The following FREM1 variants were observed in gnomAD, a reference collection of about 807,000 sequenced individuals.
FREM1 encodes the protein FRAS1 related extracellular matrix 1, also known as FRAS1-related extracellular matrix protein 1.
FREM1 carries 220 observed loss-of-function variants against 210.1 expected under a neutral mutation model. That is an observed-to-expected ratio of 1.05 (90% CI 0.94 to 1.17). FREM1 has a LOEUF of 1.17. Among genes scored for constraint, FREM1 ranks in the 50% most tolerant of loss-of-function variants. The probability of loss-of-function intolerance (pLI) is 0.00; values close to 1 mark genes in which losing one functional copy is unlikely to be tolerated. For missense variants in FREM1, 3,454 were observed against 2,675.5 expected (o/e 1.29, Z -6.42); for synonymous variants, 1,189 against 980.2 (o/e 1.21, Z -3.98).
intron 7 of FREM1, among the ~76,000 whole-genome samples, chr9:14,847,340 G>A (rs960602135): frequency 2.0e-5 from 3 of 150,944 alleles, no homozygotes; most frequent in African/African-American, 4.9e-5. Flanking sequence ...GATCTGCCTC[G>A]GGGTCTGTTT....
In FREM1 at chr9:14,788,704, AACG is replaced by A. The variant is rs529691990; in HGVS notation, c.4177+212_4177+214del. Among the ~76,000 whole-genome samples, 705 of 152,306 alleles carry A rather than the reference AACG, an allele frequency of 4.6e-3. 7 individuals carry two copies. The highest frequency in any genetic ancestry group is 0.016 in the African/African-American group (683 of 41,564). ...GAATTTCCAATAAACTTTTTAAAATAACGAATGGATTGGCTACTTCTGTGAACC... is the reference window on the plus strand; with the variant it reads ...GAATTTCCAATAAACTTTTTAAAATAAATGGATTGGCTACTTCTGTGAACC... On this transcript the variant is annotated intron_variant, in intron 23 of 36. Coordinates refer to ENST00000380880, the MANE Select transcript of FREM1 (RefSeq NM_001379081.2).
At chr9:14,791,819 G>GATTT (rs1851376319) in intron 22 of FREM1, among the ~76,000 whole-genome samples, 1 of 135,608 alleles carries the variant, frequency 7.4e-6, no homozygotes, top group South Asian at 2.5e-4. Context: ...CTCAGATAAT[G>GATTT]GTTTGTTTTG....
At chr9:14,792,674 A>T in intron 22 of FREM1, 69 bp downstream of exon 22, 1 of 1,173,156 alleles carries the variant, frequency 8.5e-7, no homozygotes, top group Non-Finnish European at 1.2e-6. Flanking sequence ...CCATCATAGA[A>T]ATGTGTATAT....
In FREM1 at chr9:14,869,666, T is replaced by A. The variant is rs150677443; in HGVS notation, c.-267-422A>T. On this transcript the variant is annotated intron_variant, in intron 1 of 36. Coordinates refer to ENST00000380880, the MANE Select transcript of FREM1 (RefSeq NM_001379081.2). Reference sequence around the variant, plus strand: ...AGCTGATAGGATTATTAACACATTGTTTGAAAACATGATTCATTCTAAATC... The same window carrying A: ...AGCTGATAGGATTATTAACACATTGATTGAAAACATGATTCATTCTAAATC... 2.5e-3 allele frequency among the ~76,000 whole-genome samples: 381 copies of A among 152,368 alleles called. 2 individuals carry two copies. The highest frequency in any genetic ancestry group is 0.011 in the Admixed American group (176 of 15,308).
rs1407557548 is a variant in FREM1, at chr9:14,825,537, G to GTGTA, written c.1882-546_1882-545insTACA. Among the ~76,000 whole-genome samples, 4 of 18,266 alleles carry GTGTA rather than the reference G, an allele frequency of 2.2e-4. No homozygotes were observed. In the East Asian group the frequency reaches 9.1e-3, roughly 42 times the overall value. 12.0% of individuals were successfully genotyped at this position (18,266 alleles called of 152,430 possible). ...TATATACATACATATATATATATAT[G>GTGTA]TGTGTGTGTGTATATATATATATAT... On this transcript the variant is annotated intron_variant, in intron 10 of 36. Transcript: ENST00000380880.
At chr9:14,737,743 C>A in intron 36 of FREM1, 148 bp from the exon 37 acceptor site, 1 of 575,146 alleles carries the variant, frequency 1.7e-6, no homozygotes, top group South Asian at 3.8e-5. Flanking sequence ...TACTCTAAGA[C>A]ACAAACGGTC....
intron 27 of FREM1, among the ~76,000 whole-genome samples, chr9:14,769,119 C>T (rs1847043672): frequency 6.6e-6 from 1 of 152,134 alleles, no homozygotes; most frequent in Non-Finnish European, 1.5e-5. Flanking sequence ...CTGTTAATCT[C>T]GTTAATTTTG....
intron 17 of FREM1, among the ~76,000 whole-genome samples, chr9:14,807,674 GACACACACACAC>G (rs34499233): frequency 2.0e-5 from 3 of 149,724 alleles, no homozygotes; most frequent in East Asian, 2.0e-4. Context: ...CACACACAAA[GACACACACACAC>G]ACACACACAC....
At chr9:14,803,248 CCTCT>C (rs1394858982) in intron 19 of FREM1, among the ~76,000 whole-genome samples, 2 of 70,658 alleles carry the variant, frequency 2.8e-5, no homozygotes, top group Non-Finnish European at 7.4e-5. Context: ...CTCCTTCCTT[CCTCT>C]CTTCCTCTCT....
At chr9:14,811,571 GC>G (rs1318445704) in intron 16 of FREM1, among the ~76,000 whole-genome samples, 7 of 152,124 alleles carry the variant, frequency 4.6e-5, no homozygotes, top group Non-Finnish European at 1.0e-4. Flanking sequence ...ACCCAGGAAA[GC>G]TTTCCTAAGA....
intron 36 of FREM1, among the ~76,000 whole-genome samples, chr9:14,739,475 TA>T (rs1215232091): frequency 4.4e-5 from 4 of 91,632 alleles, no homozygotes; most frequent in Admixed American, 1.1e-4. Context: ...TATATATATA[TA>T]ATTCATATAT....
chr9:14,876,579 G>C (rs2132039571), intron 1 of FREM1, among the ~76,000 whole-genome samples: 1 of 152,298 alleles, frequency 6.6e-6, no homozygotes, highest in South Asian at 2.1e-4. Flanking sequence ...GGTGCCGTCT[G>C]TCACCCCTTT....
intron 29 of FREM1, among the ~76,000 whole-genome samples, chr9:14,751,087 G>A (rs926204619): frequency 6.6e-5 from 10 of 152,136 alleles, no homozygotes; most frequent in African/African-American, 2.4e-4. Context: ...ATCTCATCCT[G>A]ACCAGTTTCT....
At chr9:14,788,817 AAAGGAAAG>A in intron 23 of FREM1, 94 bp downstream of exon 23, 1 of 924,592 alleles carries the variant, frequency 1.1e-6, no homozygotes, top group Non-Finnish European at 1.6e-6. Flanking sequence ...TGGCAGGAAA[AAAGGAAAG>A]AAGGGAGGGA....
intron 1 of FREM1, among the ~76,000 whole-genome samples, chr9:14,894,895 T>C (rs1320822111): frequency 6.6e-6 from 1 of 152,258 alleles, no homozygotes; most frequent in Non-Finnish European, 1.5e-5. Flanking sequence ...TACCAAGGCT[T>C]TGACTGGAAT....
chr9:14,737,379 T>G lies in FREM1; in HGVS notation c.*17A>C, dbSNP rs778960831. ...AGGTGACAAACTCCAGGTGGCCCCC[T>G]GTAGGGTCTGTTATATTTAGAGTTT... On this transcript the variant is annotated 3_prime_UTR_variant, in exon 37 of 37. Transcript: ENST00000380880. 3.1e-6 allele frequency: 5 copies of G among 1,604,738 alleles called. No individual in the cohort carries two copies. The highest frequency in any genetic ancestry group is 1.1e-5 in the South Asian group (1 of 90,268).
intron 16 of FREM1, 120 bp downstream of exon 16, chr9:14,812,692 C>G: frequency 9.9e-7 from 1 of 1,013,304 alleles, no homozygotes; most frequent in Non-Finnish European, 1.4e-6. Flanking sequence ...CAGGCTGCAG[C>G]TGCTTCTTGT....
intron 30 of FREM1, among the ~76,000 whole-genome samples, chr9:14,749,131 G>A (rs1001321824): frequency 6.6e-6 from 1 of 152,120 alleles, no homozygotes; most frequent in Non-Finnish European, 1.5e-5. Flanking sequence ...AATCTTAATA[G>A]AGCGGCTCCT....
chr9:14,864,049 C>T (rs1345699241), intron 2 of FREM1, 146 bp from the exon 3 acceptor site: 1 of 628,442 alleles, frequency 1.6e-6, no homozygotes, highest in African/African-American at 1.8e-5. Flanking sequence ...ACCACCACCA[C>T]CTCTACCCTA....
Sources: allele counts gnomAD v4.1 joint callset (sites outside exome capture counted in the v4.1 genomes callset), GRCh38; gene constraint gnomAD v4.1.1; transcripts MANE v1.5; gene names NCBI Gene and HGNC (gene_info 2026-07-23, HGNC 2026-07-21).